The following SMAD4 variants were observed in gnomAD, a reference collection of about 807,000 sequenced individuals.
The protein encoded by SMAD4 is MAD homolog 4.
A neutral mutation model predicts 63.2 loss-of-function variants in SMAD4; 7 were observed. That is an observed-to-expected ratio of 0.11 (90% CI 0.06 to 0.21). The LOEUF is 0.21. SMAD4 is among the 10% of genes least tolerant of loss of function. The pLI, the probability that SMAD4 is intolerant of heterozygous loss-of-function variation, is 1.00. For missense variants in SMAD4, 312 were observed against 693.8 expected (o/e 0.45, Z 6.18); for synonymous variants, 215 against 235.4 (o/e 0.91, Z 0.79).
intron 8 of SMAD4, among the ~76,000 whole-genome samples, chr18:51,063,414 TA>T (rs1370828482): frequency 6.6e-6 from 1 of 152,000 alleles, no homozygotes; most frequent in Non-Finnish European, 1.5e-5. Flanking sequence ...AATATATATA[TA>T]TTTTTTTAAA....
rs2144405119 is a variant in SMAD4 at position 51,048,695 on chromosome 18, C to A, written c.259C>A (p.Arg87=). The change falls in exon 3 of 12, where the codon CGG becomes AGG. Residue 87 remains arginine (R), a synonymous_variant. Coordinates refer to ENST00000342988, the MANE Select transcript of SMAD4 (RefSeq NM_005359.6). ...TCGTTTATTTTTCTAGGTGGCTGGT[C>A]GGAAAGGATTTCCTCATGTGATCTA... ...TLDGRLQVAG[R]KGFPHVIYAR... is the part of the protein sequence containing the mutation. 6.2e-7 allele frequency: 1 copy of A among 1,612,844 alleles called. No individual in the cohort carries two copies.
intron 3 of SMAD4, among the ~76,000 whole-genome samples, 199 bp downstream of exon 3, chr18:51,049,059 T>C: frequency 6.6e-6 from 1 of 152,204 alleles, no homozygotes; most frequent in East Asian, 1.9e-4. Context: ...AAACCGAGTA[T>C]TGTAGTTGAT....
chr18:51,051,821 T>A, intron 4 of SMAD4, among the ~76,000 whole-genome samples: 1 of 152,164 alleles, frequency 6.6e-6, no homozygotes, highest in South Asian at 2.1e-4. Flanking sequence ...TTTTTTCTTT[T>A]TTGAGACGGA....
chr18:51,038,208 G>A (rs1909261319), intron 1 of SMAD4, among the ~76,000 whole-genome samples: 1 of 148,386 alleles, frequency 6.7e-6, no homozygotes, highest in Admixed American at 6.7e-5. Flanking sequence ...ATTAAGCTAG[G>A]ATCGCACCAC....
intron 2 of SMAD4, among the ~76,000 whole-genome samples, chr18:51,047,909 G>A (rs1229797748): frequency 1.3e-5 from 2 of 152,010 alleles, no homozygotes; most frequent in African/African-American, 2.4e-5. Flanking sequence ...GTGCCCAGTC[G>A]TGTTGTTTTC....
intron 2 of SMAD4, among the ~76,000 whole-genome samples, chr18:51,048,196 G>A (rs908721107): frequency 1.3e-5 from 2 of 151,974 alleles, no homozygotes; most frequent in African/African-American, 4.8e-5. Context: ...TCTTACTTTT[G>A]CCCAAGCTGG....
Position 51,082,338 on chromosome 18 carries a change from A to ATTT in SMAD4, c.*3876_*3878dup, listed in dbSNP as rs373831598. 2 of 227,548 alleles carry ATTT rather than the reference A, an allele frequency of 8.8e-6. No individual in the cohort carries two copies. Among genetic ancestry groups the ATTT allele is most frequent in the African/African-American group, 2.2e-5 (1 of 45,010 alleles). The allele number at this position is 227,548 out of a possible 1,614,324, so 14.1% of individuals were successfully genotyped here. A position where few individuals can be genotyped will look rare whatever the true frequency, so the allele number is the denominator to read the frequency against. On this transcript the variant is annotated 3_prime_UTR_variant, in exon 12 of 12. Transcript: ENST00000342988. ...ATGACAATCTTGTTCAAGCCTTTCC[A>ATTT]TTTTTTTCCCTGATAACTAAGTAAT...
rs1446369550 is a variant in SMAD4 at position 51,079,483 on chromosome 18, G to A, written c.*1016G>A. On this transcript the variant is annotated 3_prime_UTR_variant, in exon 12 of 12. Transcript: ENST00000342988. Reference sequence around the variant, plus strand: ...ATGGAAACATTACAGTTCATAATAGGTAGTTTGGATATTTTTGTACTTGAT... The same window carrying A: ...ATGGAAACATTACAGTTCATAATAGATAGTTTGGATATTTTTGTACTTGAT... 4.3e-6 allele frequency: 1 copy of A among 233,234 alleles called. No homozygotes were observed. Among genetic ancestry groups the A allele is most frequent in the Non-Finnish European group, 8.5e-6 (1 of 117,930 alleles). 14.4% of individuals were successfully genotyped at this position (233,234 alleles called of 1,614,324 possible). A position where few individuals can be genotyped will look rare whatever the true frequency, so the allele number is the denominator to read the frequency against.
Position 51,079,385 on chromosome 18 carries a change from G to A in SMAD4, c.*918G>A. 1 of 233,412 alleles carries A rather than the reference G, an allele frequency of 4.3e-6. No individual in the cohort carries two copies. The highest frequency in any genetic ancestry group is 8.5e-6 in the Non-Finnish European group (1 of 117,910). 14.5% of individuals were successfully genotyped at this position (233,412 alleles called of 1,614,324 possible). A position where few individuals can be genotyped will look rare whatever the true frequency, so the allele number is the denominator to read the frequency against. ...CTCACTGTTCTGCAAAGGTGGCAATGCTTAAACTAAATAATGAATAAACTG... is the reference window on the plus strand; with the variant it reads ...CTCACTGTTCTGCAAAGGTGGCAATACTTAAACTAAATAATGAATAAACTG... On this transcript the variant is annotated 3_prime_UTR_variant, in exon 12 of 12. Transcript: ENST00000342988.
At chr18:51,068,501 C>G (rs1042455619) in intron 10 of SMAD4, among the ~76,000 whole-genome samples, 3 of 152,116 alleles carry the variant, frequency 2.0e-5, no homozygotes, top group African/African-American at 7.2e-5. Context: ...AAATTAGCAT[C>G]AATTCCCTGT....
chr18:51,051,202 C>T, intron 4 of SMAD4: 1 of 327,984 alleles, frequency 3.0e-6, no homozygotes, highest in South Asian at 2.6e-5. Flanking sequence ...TCATCACACA[C>T]CTCCCCTATT....
intron 1 of SMAD4, among the ~76,000 whole-genome samples, chr18:51,034,656 T>A (rs1909152745): frequency 6.6e-6 from 1 of 152,148 alleles, no homozygotes; most frequent in South Asian, 2.1e-4. Flanking sequence ...GCAATCCCAC[T>A]TCAGCTGCTG....
chr18:51,058,824 G>A (rs971445093), intron 7 of SMAD4, among the ~76,000 whole-genome samples: 12 of 152,112 alleles, frequency 7.9e-5, no homozygotes, highest in African/African-American at 2.9e-4. Context: ...TTCCCTCAGC[G>A]TAGTATTCAG....
intron 5 of SMAD4, among the ~76,000 whole-genome samples, chr18:51,055,489 T>C (rs1235054684): frequency 6.6e-6 from 1 of 152,016 alleles, no homozygotes; most frequent in East Asian, 1.9e-4. Flanking sequence ...AATTTTGATA[T>C]AAGCTAACTT....
chr18:51,053,621 A>G (rs765006453), intron 4 of SMAD4: 3 of 152,208 alleles, frequency 2.0e-5, no homozygotes, highest in Non-Finnish European at 2.9e-5. Flanking sequence ...GAGGTTGTAC[A>G]TAGAAACTTG....
chr18:51,060,770 A>C (rs1389564076), intron 8 of SMAD4, among the ~76,000 whole-genome samples: 2 of 152,154 alleles, frequency 1.3e-5, no homozygotes, highest in African/African-American at 2.4e-5. Context: ...AGTAGCTGGG[A>C]CTATAGGCAA....
intron 10 of SMAD4, among the ~76,000 whole-genome samples, chr18:51,068,176 C>T (rs933202424): frequency 2.6e-5 from 4 of 152,188 alleles, no homozygotes; most frequent in Non-Finnish European, 5.9e-5. Context: ...AACCCAGTTT[C>T]TCATTTCCAG....
At chr18:51,052,723 C>G (rs1476487466) in intron 4 of SMAD4, 1 of 209,426 alleles carries the variant, frequency 4.8e-6, no homozygotes, top group Non-Finnish European at 1.0e-5. Flanking sequence ...CCCCCTACCT[C>G]AGGTAATCAC....
intron 1 of SMAD4, among the ~76,000 whole-genome samples, chr18:51,032,191 A>T (rs1465464410): frequency 6.6e-6 from 1 of 152,206 alleles, no homozygotes; most frequent in Admixed American, 6.5e-5. Context: ...AGTCGTTATA[A>T]CATTTTGTGA....
Sources: gnomAD v4.1 joint callset for allele counts (sites outside exome capture counted in the v4.1 genomes callset) on GRCh38, gnomAD v4.1.1 for gene constraint, MANE v1.5 for transcripts, NCBI Gene and HGNC (gene_info 2026-07-23, HGNC 2026-07-21) for gene names.